KDM2A: variants seen among roughly 807,000 people sequenced by gnomAD.
KDM2A encodes lysine-specific demethylase 2A.
A neutral mutation model predicts 137.3 loss-of-function variants in KDM2A; 3 were observed. That is an observed-to-expected ratio of 0.02 (90% CI 0.01 to 0.06). KDM2A has a LOEUF of 0.06. KDM2A is among the 10% of genes least tolerant of loss of function. The pLI, the probability that KDM2A is intolerant of heterozygous loss-of-function variation, is 1.00. For missense variants in KDM2A, 738 were observed against 1,510.6 expected (o/e 0.49, Z 8.48); for synonymous variants, 512 against 541.5 (o/e 0.95, Z 0.76).
At chr11:67,124,637 T>TA (rs1555078195) in intron 2 of KDM2A, among the ~76,000 whole-genome samples, 3 of 148,160 alleles carry the variant, frequency 2.0e-5, no homozygotes, top group Non-Finnish European at 3.0e-5. Context: ...TTTTTTTTTT[T>TA]AAACAAGGTA....
chr11:67,124,543 C>A (rs531993863), intron 2 of KDM2A, among the ~76,000 whole-genome samples: 58 of 151,038 alleles, frequency 3.8e-4, no homozygotes, highest in Non-Finnish European at 5.9e-4. Flanking sequence ...GAACTCCTGA[C>A]CTCAGATGAT....
At chr11:67,184,797 C>G (rs955423975) in intron 5 of KDM2A, among the ~76,000 whole-genome samples, 3 of 151,994 alleles carry the variant, frequency 2.0e-5, no homozygotes, top group African/African-American at 7.3e-5. Context: ...TAAGTGTATA[C>G]CTCAGATTGA....
intron 5 of KDM2A, among the ~76,000 whole-genome samples, chr11:67,205,654 G>A (rs528220557): frequency 1.3e-5 from 2 of 151,630 alleles, no homozygotes; most frequent in Non-Finnish European, 2.9e-5. Flanking sequence ...AATTTTTTTT[G>A]TATTTTTAGT....
chr11:67,153,175 G>A (rs1856434649), intron 2 of KDM2A, among the ~76,000 whole-genome samples: 1 of 152,116 alleles, frequency 6.6e-6, no homozygotes, highest in African/African-American at 2.4e-5. Flanking sequence ...AATAGAGGCA[G>A]GGTTTCACTA....
chr11:67,218,008 C>A, intron 9 of KDM2A, 124 bp downstream of exon 9: 2 of 858,168 alleles, frequency 2.3e-6, no homozygotes, highest in South Asian at 1.8e-5. Flanking sequence ...GTGTTTCTTC[C>A]TGTCATTATG....
intron 2 of KDM2A, among the ~76,000 whole-genome samples, chr11:67,153,238 G>C (rs1473832921): frequency 6.6e-6 from 1 of 152,080 alleles, no homozygotes; most frequent in African/African-American, 2.4e-5. Flanking sequence ...ACCCGCCTCG[G>C]CCTCCCAAGT....
chr11:67,141,682 AATAT>A lies in KDM2A; in HGVS notation c.42+20346_42+20349del, dbSNP rs200949810. 3.0e-3 allele frequency among the ~76,000 whole-genome samples: 361 copies of A among 119,330 alleles called. 50 individuals carry two copies. Among genetic ancestry groups the A allele is most frequent in the Middle Eastern group, 0.022 (5 of 226 alleles). The allele number at this position is 119,330 out of a possible 152,430, so 78.3% of individuals were successfully genotyped here. A position where few individuals can be genotyped will look rare whatever the true frequency, so the allele number is the denominator to read the frequency against. On this transcript the variant is annotated intron_variant, in intron 2 of 20. Coordinates refer to ENST00000529006, the MANE Select transcript of KDM2A (RefSeq NM_012308.3). ...ACTCGTTCCAAAAAAAAAAAAAAAAAATATATATATATATATATATATATAAAAT... is the reference window on the plus strand; with the variant it reads ...ACTCGTTCCAAAAAAAAAAAAAAAAAATATATATATATATATATATAAAAT...
chr11:67,208,242 A>AT, intron 6 of KDM2A, among the ~76,000 whole-genome samples: 1 of 151,126 alleles, frequency 6.6e-6, no homozygotes, highest in South Asian at 2.1e-4. Context: ...TTATTAAAAA[A>AT]ATTTTTTTTT....
At chr11:67,143,685 T>G (rs1352989001) in intron 2 of KDM2A, among the ~76,000 whole-genome samples, 1 of 151,952 alleles carries the variant, frequency 6.6e-6, no homozygotes, top group African/African-American at 2.4e-5. Context: ...CAGGCTGGAG[T>G]GCAATGACGC....
At position 67,250,103 on chromosome 11, in the gene KDM2A, G is replaced by C. The variant is rs1490982214; in HGVS notation, c.2073G>C (p.Glu691Asp). The change falls in exon 17 of 21, where the codon GAG becomes GAC. Residue 691 changes from glutamate (E) to aspartate (D), a missense_variant. Physicochemically the swap from Glu to Asp is conservative, Grantham distance 45 (BLOSUM62 2). This residue lies in a region of KDM2A where 244 missense variants were observed against 324.6 expected (regional missense o/e 0.75). Transcript: ENST00000529006. The surrounding 1 kb of genome is among the most constrained non-coding windows in gnomAD (Gnocchi z 7.1). ...SEKAQKRKME[E>D]SDEEAVQAKV... ...TTTTGCAGAAGCGGAAAATGGAAGAGAGTGACGAAGAAGCTGTGCAAGCCA... is the reference window on the plus strand; with the variant it reads ...TTTTGCAGAAGCGGAAAATGGAAGACAGTGACGAAGAAGCTGTGCAAGCCA... The C allele has an allele frequency of 1.3e-6, 2 of 1,586,878 alleles. No individual in the cohort carries two copies. Among genetic ancestry groups the C allele is most frequent in the South Asian group, 2.3e-5 (2 of 87,856 alleles).
chr11:67,224,422 C>G (rs1015174852), intron 10 of KDM2A, among the ~76,000 whole-genome samples: 2 of 149,158 alleles, frequency 1.3e-5, no homozygotes, highest in African/African-American at 4.9e-5. Context: ...GCCTGGACAA[C>G]ATAGTGAGAC....
chr11:67,154,986 G>T (rs1856481596), intron 2 of KDM2A, among the ~76,000 whole-genome samples: 1 of 152,112 alleles, frequency 6.6e-6, no homozygotes, highest in Non-Finnish European at 1.5e-5. Context: ...GCATTTGTGT[G>T]TAAATATTTG....
chr11:67,134,049 C>T (rs932588551), intron 2 of KDM2A, among the ~76,000 whole-genome samples: 1 of 152,140 alleles, frequency 6.6e-6, no homozygotes, highest in Non-Finnish European at 1.5e-5. Context: ...GTACAGTGTG[C>T]TTTCTGAGGA....
At chr11:67,130,558 T>C (rs1855829942) in intron 2 of KDM2A, among the ~76,000 whole-genome samples, 1 of 152,214 alleles carries the variant, frequency 6.6e-6, no homozygotes. Context: ...TCTCGGGTCT[T>C]GGTTTTGGTT....
intron 5 of KDM2A, among the ~76,000 whole-genome samples, chr11:67,198,762 T>A (rs1382789499): frequency 1.7e-5 from 2 of 120,010 alleles, no homozygotes; most frequent in Admixed American, 1.5e-4. Flanking sequence ...ATCAGTAGTT[T>A]GTTTTGTTTT....
At chr11:67,168,349 A>G (rs1479943089) in intron 2 of KDM2A, among the ~76,000 whole-genome samples, 1 of 151,998 alleles carries the variant, frequency 6.6e-6, no homozygotes, top group Non-Finnish European at 1.5e-5. Context: ...TGTTCTTCCT[A>G]CTGGGCTTCA....
intron 2 of KDM2A, among the ~76,000 whole-genome samples, chr11:67,127,638 T>G (rs1005621136): frequency 6.6e-6 from 1 of 152,166 alleles, no homozygotes; most frequent in African/African-American, 2.4e-5. Flanking sequence ...CTTTCCTTGG[T>G]TTACCTTTGA....
At chr11:67,202,743 T>TCCAG (rs1183986311) in intron 5 of KDM2A, among the ~76,000 whole-genome samples, 1 of 149,040 alleles carries the variant, frequency 6.7e-6, no homozygotes, top group Non-Finnish European at 1.5e-5. Flanking sequence ...GCCACTACGC[T>TCCAG]CCAGCCTGGG....
intron 2 of KDM2A, among the ~76,000 whole-genome samples, chr11:67,162,648 C>T (rs187124641): frequency 0.022 from 3,397 of 152,152 alleles, 81 homozygotes; most frequent in African/African-American, 0.053. Context: ...TCAAGTGATC[C>T]GCCCGCCTCG....
Sources: gnomAD v4.1 joint callset for allele counts (sites outside exome capture counted in the v4.1 genomes callset) on GRCh38, gnomAD v4.1.1 for gene constraint, gnomAD v4.1.1 regional missense constraint, Gnocchi (gnomAD v3.1) non-coding constraint, MANE v1.5 for transcripts, NCBI Gene and HGNC (gene_info 2026-07-23, HGNC 2026-07-21) for gene names.